DIS3L2: variants seen among roughly 807,000 people sequenced by gnomAD.
The protein encoded by DIS3L2 is DIS3 like 3'-5' exoribonuclease 2.
Under a neutral mutation model 97.5 loss-of-function variants are expected in DIS3L2, and 34 were observed. The observed-to-expected ratio is 0.35, with a 90% CI of 0.27 to 0.46. The LOEUF is 0.46. Among genes scored for constraint, DIS3L2 ranks in the 20% least tolerant of loss-of-function variants. The probability of loss-of-function intolerance (pLI) is 1.00; values close to 1 mark genes in which losing one functional copy is unlikely to be tolerated. For synonymous variants in DIS3L2, 435 were observed against 445.2 expected (o/e 0.98, Z 0.29); for missense variants, 1,038 against 1,146.0 (o/e 0.91, Z 1.36).
intron 11 of DIS3L2, among the ~76,000 whole-genome samples, chr2:232,247,152 T>G (rs1693273977): frequency 1.3e-5 from 2 of 152,190 alleles, no homozygotes; most frequent in Admixed American, 6.5e-5. Flanking sequence ...TGGACTGATG[T>G]CATTGCAACA....
At chr2:232,094,834 G>A (rs988051462) in intron 6 of DIS3L2, among the ~76,000 whole-genome samples, 4 of 151,752 alleles carry the variant, frequency 2.6e-5, no homozygotes, top group Admixed American at 1.3e-4. Flanking sequence ...TGGGCACTCC[G>A]GTGTTGGGTG....
chr2:232,251,238 C>T (rs1693410225), intron 12 of DIS3L2, among the ~76,000 whole-genome samples: 1 of 152,066 alleles, frequency 6.6e-6, no homozygotes, highest in African/African-American at 2.4e-5. Context: ...ACAAAACACA[C>T]TAGCAGGGAA....
intron 13 of DIS3L2, among the ~76,000 whole-genome samples, chr2:232,289,121 T>A (rs1694528663): frequency 6.6e-6 from 1 of 152,120 alleles, no homozygotes; most frequent in African/African-American, 2.4e-5. Context: ...CATCGAACAT[T>A]GAGAATTATT....
At chr2:232,139,810 C>G (rs1034102762) in intron 8 of DIS3L2, among the ~76,000 whole-genome samples, 2 of 152,004 alleles carry the variant, frequency 1.3e-5, no homozygotes, top group Non-Finnish European at 2.9e-5. Flanking sequence ...TACACAATTG[C>G]AGTAAGACAG....
chr2:232,342,382 C>T (rs1179604452), intron 13 of DIS3L2, among the ~76,000 whole-genome samples: 1 of 151,576 alleles, frequency 6.6e-6, no homozygotes, highest in Non-Finnish European at 1.5e-5. Flanking sequence ...AGTAAAACAC[C>T]AAGAGAGAGG....
chr2:232,233,320 A>G (rs927195468), intron 10 of DIS3L2, among the ~76,000 whole-genome samples: 2 of 152,178 alleles, frequency 1.3e-5, no homozygotes, highest in African/African-American at 4.8e-5. Context: ...TTCCTGGTTC[A>G]TGGAACAGCA....
At chr2:232,256,944 C>T (rs535722943) in intron 12 of DIS3L2, among the ~76,000 whole-genome samples, 119 of 152,086 alleles carry the variant, frequency 7.8e-4, no homozygotes, top group South Asian at 1.5e-3. Flanking sequence ...ATGGTGAAAC[C>T]CTGTCTCTAC....
At chr2:232,082,138 A>G (rs2106301062) in intron 5 of DIS3L2, among the ~76,000 whole-genome samples, 1 of 152,358 alleles carries the variant, frequency 6.6e-6, no homozygotes, top group Non-Finnish European at 1.5e-5. Flanking sequence ...GTTAGAGAGT[A>G]CACAGGTTTT....
chr2:232,154,798 C>T (rs1316878454), intron 8 of DIS3L2, among the ~76,000 whole-genome samples: 1 of 143,206 alleles, frequency 7.0e-6, no homozygotes, highest in Non-Finnish European at 1.5e-5. Flanking sequence ...GCCCCTCCCC[C>T]AGCCTCGTTG....
chr2:232,019,659 C>T (rs925202378), intron 3 of DIS3L2, among the ~76,000 whole-genome samples: 8 of 151,098 alleles, frequency 5.3e-5, no homozygotes, highest in African/African-American at 1.9e-4. Context: ...TGCCCAGCCA[C>T]TTAGAAGGGA....
chr2:231,989,118 T>A lies in DIS3L2; in HGVS notation c.-93-25717T>A, dbSNP rs546821425. On this transcript the variant is annotated intron_variant, in intron 1 of 20. Coordinates refer to ENST00000325385, the MANE Select transcript of DIS3L2 (RefSeq NM_152383.5). ...TTACCGTTGAAATTATGCGTGTAGA[T>A]AGTGGGTGAGTTCTTTCTCAGCTTT... Among the ~76,000 whole-genome samples, 427 of 152,264 alleles carry A rather than the reference T, an allele frequency of 2.8e-3. 1 individual carries two copies. The highest frequency in any genetic ancestry group is 4.7e-3 in the Non-Finnish European group (317 of 68,032).
intron 1 of DIS3L2, among the ~76,000 whole-genome samples, chr2:231,992,594 C>T (rs1450008770): frequency 6.6e-6 from 1 of 152,088 alleles, no homozygotes; most frequent in African/African-American, 2.4e-5. Flanking sequence ...ATTCATTTCT[C>T]AGCTGATTTC....
Position 232,101,220 on chromosome 2 carries a change from GA to G in DIS3L2, c.601+13513del, listed in dbSNP as rs71910297. Among the ~76,000 whole-genome samples, 620 of 134,608 alleles carry G rather than the reference GA, an allele frequency of 4.6e-3. 1 individual carries two copies. Among genetic ancestry groups the G allele is most frequent in the Middle Eastern group, 7.6e-3 (2 of 262 alleles). The allele number at this position is 134,608 out of a possible 152,430, so 88.3% of individuals were successfully genotyped here. A position where few individuals can be genotyped will look rare whatever the true frequency, so the allele number is the denominator to read the frequency against. ...TGCACTCCAGCCTGGGTGATAGAGT[GA>G]AAAAAAAAAAAAAGATATACCTTCC... On this transcript the variant is annotated intron_variant, in intron 6 of 20. Transcript: ENST00000325385.
intron 6 of DIS3L2, among the ~76,000 whole-genome samples, chr2:232,113,753 A>G (rs962877163): frequency 6.6e-6 from 1 of 152,202 alleles, no homozygotes; most frequent in Non-Finnish European, 1.5e-5. Context: ...TTTGGGAGGA[A>G]CTTAGTTTAC....
rs115341956 is a variant in DIS3L2, at chr2:232,166,041, A to G, written c.1124+2409A>G. Reference sequence around the variant, plus strand: ...ATTGCCTTCTGGTTTAGACCATAGAATAAGAGGTCCTTAGTGAGACCCTGT... The same window carrying G: ...ATTGCCTTCTGGTTTAGACCATAGAGTAAGAGGTCCTTAGTGAGACCCTGT... On this transcript the variant is annotated intron_variant, in intron 9 of 20. Coordinates refer to ENST00000325385, the MANE Select transcript of DIS3L2 (RefSeq NM_152383.5). 5.4e-3 allele frequency among the ~76,000 whole-genome samples: 823 copies of G among 151,416 alleles called. 3 individuals are homozygous for G. The highest frequency in any genetic ancestry group is 9.4e-3 in the African/African-American group (388 of 41,384).
At chr2:232,120,013 T>C (rs1288166884) in intron 6 of DIS3L2, among the ~76,000 whole-genome samples, 4 of 152,054 alleles carry the variant, frequency 2.6e-5, no homozygotes, top group East Asian at 3.9e-4. Context: ...AGGCTTTTTT[T>C]CCCCCCAGTC....
intron 1 of DIS3L2, among the ~76,000 whole-genome samples, chr2:232,001,222 T>A (rs1435914833): frequency 2.0e-5 from 3 of 152,212 alleles, no homozygotes; most frequent in Non-Finnish European, 4.4e-5. Flanking sequence ...ACTTGTTATC[T>A]TTTGTGTTTT....
intron 1 of DIS3L2, among the ~76,000 whole-genome samples, chr2:231,965,294 T>G (rs1180428364): frequency 6.6e-6 from 1 of 152,200 alleles, no homozygotes. Context: ...GCAGCGGTAG[T>G]ATCAGGAATT....
At chr2:232,223,871 T>A (rs1453769112) in intron 10 of DIS3L2, among the ~76,000 whole-genome samples, 1 of 152,198 alleles carries the variant, frequency 6.6e-6, no homozygotes, top group Non-Finnish European at 1.5e-5. Flanking sequence ...GAGGATTGCT[T>A]GAGTCCAGGA....
Sources: allele counts gnomAD v4.1 joint callset (sites outside exome capture counted in the v4.1 genomes callset), GRCh38; gene constraint gnomAD v4.1.1; transcripts MANE v1.5; gene names NCBI Gene and HGNC (gene_info 2026-07-23, HGNC 2026-07-21).